GRAP2: variants seen among roughly 807,000 people sequenced by gnomAD.
The protein encoded by GRAP2 is GRB2-related adapter protein 2.
GRAP2 carries 31 observed loss-of-function variants against 43.5 expected under a neutral mutation model. The observed-to-expected ratio is 0.71, with a 90% CI of 0.54 to 0.96. The LOEUF is 0.96. GRAP2 is among the 40% of genes least tolerant of loss of function. GRAP2 has a pLI of 0.00. For synonymous variants in GRAP2, 156 were observed against 164.8 expected (o/e 0.95, Z 0.41); for missense variants, 371 against 424.4 (o/e 0.87, Z 1.11).
chr22:39,925,121 G>A (rs2066686329), intron 1 of GRAP2, among the ~76,000 whole-genome samples: 1 of 152,174 alleles, frequency 6.6e-6, no homozygotes, highest in Non-Finnish European at 1.5e-5. Flanking sequence ...CTTTGGACTT[G>A]ACTCTACAAG....
At chr22:39,926,484 GAAAAAAA>G (rs918651851) in intron 1 of GRAP2, 1 of 233,680 alleles carries the variant, frequency 4.3e-6, no homozygotes, top group African/African-American at 5.6e-5. Flanking sequence ...CCCAACAAAA[GAAAAAAA>G]AAAAAAAAAG....
chr22:39,894,415 T>G, the GRAP2 span, among the ~76,000 whole-genome samples: 2 of 77,622 alleles, frequency 2.6e-5, no homozygotes, highest in South Asian at 5.5e-4. Context: ...TGGGGACTGT[T>G]GTGGGGTGGG....
chr22:39,946,756 G>A lies in GRAP2; in HGVS notation c.-14-337G>A, dbSNP rs118087945. On this transcript the variant is annotated intron_variant, in intron 1 of 7. Coordinates refer to ENST00000344138, the MANE Select transcript of GRAP2 (RefSeq NM_004810.4). ...CTCAGGCCTCAAGTTACAGATGATAGCAAGCCTTCCCTCCTTATCAGCTGC... is the reference window on the plus strand; with the variant it reads ...CTCAGGCCTCAAGTTACAGATGATAACAAGCCTTCCCTCCTTATCAGCTGC... 21 of 243,304 alleles carry A rather than the reference G, an allele frequency of 8.6e-5. No homozygotes were observed. The East Asian group carries it at 1.8e-3, about 21-fold the overall frequency. 15.1% of individuals were successfully genotyped at this position (243,304 alleles called of 1,614,324 possible). A position where few individuals can be genotyped will look rare whatever the true frequency, so the allele number is the denominator to read the frequency against.
At chr22:39,941,029 G>A (rs946431627) in intron 1 of GRAP2, among the ~76,000 whole-genome samples, 1 of 152,166 alleles carries the variant, frequency 6.6e-6, no homozygotes, top group African/African-American at 2.4e-5. Context: ...ACTATCTCTG[G>A]CTGAGTTTGC....
At chr22:39,927,208 A>G (rs996896765) in intron 1 of GRAP2, among the ~76,000 whole-genome samples, 5 of 152,024 alleles carry the variant, frequency 3.3e-5, no homozygotes, top group African/African-American at 1.2e-4. Flanking sequence ...CCTTCTCTGT[A>G]GTGGAAAGTG....
At chr22:39,955,691 A>G (rs2067041973) in intron 2 of GRAP2, 128 bp from the exon 3 acceptor site, 3 of 577,962 alleles carry the variant, frequency 5.2e-6, no homozygotes, top group Non-Finnish European at 9.7e-6. Context: ...ACAGCTGTTG[A>G]GTTCTTTCAA....
chr22:39,948,457 C>T (rs1050238017), intron 2 of GRAP2: 3 of 151,712 alleles, frequency 2.0e-5, no homozygotes, highest in African/African-American at 4.9e-5. Context: ...CTTCCACCCT[C>T]GTCTTCCATT....
rs1009749854 is a variant in GRAP2 at position 39,973,473 on chromosome 22, C to G, written c.*2389C>G. 6.6e-6 allele frequency: 1 copy of G among 152,186 alleles called. No individual in the cohort carries two copies. Among genetic ancestry groups the G allele is most frequent in the Non-Finnish European group, 1.5e-5 (1 of 68,030 alleles). 9.4% of individuals were successfully genotyped at this position (152,186 alleles called of 1,614,324 possible). On this transcript the variant is annotated 3_prime_UTR_variant, in exon 8 of 8. Transcript: ENST00000344138. ...GCGGTATGAGCAGAGCTTTCAGAAC[C>G]CCTGGAGCTCGGTGTTCTGTTGTAG...
chr22:39,969,387 C>G (rs55838499), intron 6 of GRAP2, 24 bp from the exon 7 acceptor site: 1 of 1,612,882 alleles, frequency 6.2e-7, no homozygotes, highest in Non-Finnish European at 8.5e-7. Flanking sequence ...GTGGGGTGAC[C>G]AGTCTTCTGT....
At chr22:39,934,825 C>G (rs1569201906) in intron 1 of GRAP2, among the ~76,000 whole-genome samples, 1 of 151,974 alleles carries the variant, frequency 6.6e-6, no homozygotes, top group Non-Finnish European at 1.5e-5. Flanking sequence ...GACCCATGAT[C>G]ACGCCACTGC....
intron 1 of GRAP2, among the ~76,000 whole-genome samples, chr22:39,914,248 C>T (rs2066587342): frequency 1.3e-5 from 2 of 152,176 alleles, no homozygotes; most frequent in South Asian, 2.1e-4. Context: ...TCTCCTCTCT[C>T]TCCAAGGAGT....
At position 39,947,098 on chromosome 22, in the gene GRAP2, C is replaced by A; in HGVS notation, c.-9C>A. The A allele has an allele frequency of 6.4e-7, 1 of 1,569,392 alleles. No homozygotes were observed. Among genetic ancestry groups the A allele is most frequent in the Non-Finnish European group, 8.8e-7 (1 of 1,139,094 alleles). On this transcript the variant is annotated 5_prime_UTR_variant, in exon 2 of 8. Coordinates refer to ENST00000344138, the MANE Select transcript of GRAP2 (RefSeq NM_004810.4). ...CCACATTATTTCTCTTCCAGCTTCA[C>A]GTTACAGCATGGAAGCTGTTGCCAA...
rs1295953120 is a variant in GRAP2, at chr22:39,972,033, T to C, written c.*949T>C. 5 of 152,312 alleles carry C rather than the reference T, an allele frequency of 3.3e-5. No individual in the cohort carries two copies. Among genetic ancestry groups the C allele is most frequent in the Non-Finnish European group, 7.3e-5 (5 of 68,082 alleles). The allele number at this position is 152,312 out of a possible 1,614,324, so 9.4% of individuals were successfully genotyped here. Reference sequence around the variant, plus strand: ...GTGGCATGGAAAGAAGCCCACTTGATGATAGGAGCCTGACTATGAATTGAT... The same window carrying C: ...GTGGCATGGAAAGAAGCCCACTTGACGATAGGAGCCTGACTATGAATTGAT... On this transcript the variant is annotated 3_prime_UTR_variant, in exon 8 of 8. Transcript: ENST00000344138.
chr22:39,896,664 C>A (rs2066467640), upstream of GRAP2, among the ~76,000 whole-genome samples: 1 of 152,046 alleles, frequency 6.6e-6, no homozygotes, highest in Admixed American at 6.5e-5. Context: ...AGACTGAAGT[C>A]CCAATAAACA....
intron 1 of GRAP2, among the ~76,000 whole-genome samples, chr22:39,940,343 T>C (rs2066854653): frequency 6.6e-6 from 1 of 151,646 alleles, no homozygotes; most frequent in Admixed American, 6.6e-5. Context: ...GGCTACTCCT[T>C]GGTCTCTTGG....
intron 6 of GRAP2, 193 bp downstream of exon 6, chr22:39,968,465 ACACACACACACACACTGTCT>A: frequency 3.4e-6 from 2 of 583,134 alleles, no homozygotes; most frequent in Non-Finnish European, 6.1e-6. Flanking sequence ...CTGAACACAC[ACACACACACACACACTGTCT>A]CACACACACA....
At chr22:39,970,298 C>T (rs1382384815) in intron 7 of GRAP2, among the ~76,000 whole-genome samples, 1 of 152,022 alleles carries the variant, frequency 6.6e-6, no homozygotes, top group Non-Finnish European at 1.5e-5. Flanking sequence ...CCAGGCTGGT[C>T]TGGAACTCCT....
Position 39,959,993 on chromosome 22 carries a change from C to T in GRAP2, c.171-62C>T, listed in dbSNP as rs538996149. The T allele has an allele frequency of 1.6e-4, 244 of 1,555,440 alleles. 3 individuals carry two copies. The highest frequency in any genetic ancestry group is 7.2e-4 in the East Asian group (32 of 44,556). ...TTCCCTCTGGGTCACCTCTTCTCCA[C>T]GTCTCCCTCTTGTCACTCCTGTGTC... On this transcript the variant is annotated intron_variant, in intron 3 of 7. Coordinates refer to ENST00000344138, the MANE Select transcript of GRAP2 (RefSeq NM_004810.4).
At chr22:39,960,011 C>G in intron 3 of GRAP2, 44 bp from the exon 4 acceptor site, 1 of 1,606,008 alleles carries the variant, frequency 6.2e-7, no homozygotes, top group Non-Finnish European at 8.5e-7. Flanking sequence ...TCTTGTCACT[C>G]CTGTGTCTCA....
Sources: allele counts gnomAD v4.1 joint callset (sites outside exome capture counted in the v4.1 genomes callset), GRCh38; gene constraint gnomAD v4.1.1; transcripts MANE v1.5; gene names NCBI Gene and HGNC (gene_info 2026-07-23, HGNC 2026-07-21).